Variants in CLUH observed in about 807,000 individuals in gnomAD.
CLUH encodes CLUH binding protein of NUMT mRNA.
A neutral mutation model predicts 139.3 loss-of-function variants in CLUH; 77 were observed. The ratio of observed to expected loss-of-function variants is 0.55; its 90% CI spans 0.46 to 0.67. The LOEUF is 0.67. Among genes scored for constraint, CLUH ranks in the 30% least tolerant of loss-of-function variants. The pLI, the probability that CLUH is intolerant of heterozygous loss-of-function variation, is 0.00. For missense variants in CLUH, 1,876 were observed against 1,875.8 expected (o/e 1.00, Z 0.00); for synonymous variants, 999 against 801.6 (o/e 1.25, Z -4.16).
intron 16 of CLUH, 25 bp downstream of exon 16, chr17:2,694,832 C>A (rs968323511): frequency 6.8e-7 from 1 of 1,467,932 alleles, no homozygotes. Flanking sequence ...TCCCACCCAC[C>A]CCACCGCCCC....
rs982504848 is a variant in CLUH at position 2,691,421 on chromosome 17, G to C, written c.3863+188C>G. On this transcript the variant is annotated intron_variant, in intron 25 of 25. Coordinates refer to ENST00000651024, the MANE Select transcript of CLUH (RefSeq NM_001366661.1). ...TACTACAAACACAAAAATGAGCCGG[G>C]CGAGGTGGCGGACACCTGTAATCCC... 8.4e-6 allele frequency: 5 copies of C among 597,598 alleles called. No individual in the cohort carries two copies. In the African/African-American group the frequency reaches 9.3e-5, roughly 11 times the overall value. The allele number at this position is 597,598 out of a possible 1,614,324, so 37.0% of individuals were successfully genotyped here.
chr17:2,709,745 C>A (rs1306050220), intron 1 of CLUH, among the ~76,000 whole-genome samples: 1 of 152,154 alleles, frequency 6.6e-6, no homozygotes, highest in Non-Finnish European at 1.5e-5. Flanking sequence ...GGTCAGAAGC[C>A]TTGGTTCTGA....
At chr17:2,699,783 C>T (rs986827771) in intron 9 of CLUH, among the ~76,000 whole-genome samples, 2 of 152,158 alleles carry the variant, frequency 1.3e-5, no homozygotes, top group Non-Finnish European at 1.5e-5. Context: ...AGGCATGCGC[C>T]ACCACACCCA....
chr17:2,691,733 C>A, intron 24 of CLUH, 28 bp downstream of exon 24: 4 of 1,600,582 alleles, frequency 2.5e-6, no homozygotes, highest in Non-Finnish European at 3.4e-6. Context: ...CTCGCCGGGC[C>A]GGAGGGGCCG....
chr17:2,691,281 G>C (rs752939040), intron 25 of CLUH, among the ~76,000 whole-genome samples: 4 of 152,202 alleles, frequency 2.6e-5, no homozygotes, highest in African/African-American at 9.6e-5. Flanking sequence ...TAAGCGGGGC[G>C]GGCCGGGCGC....
rs959037279 is a variant in CLUH at position 2,690,659 on chromosome 17, C to A, written c.3982G>T (p.Ala1328Ser). ...GGCTGGGAGCCCAGGTCTCCTGGGG[C>A]CCCCGCTGGCGCGGGCTCGGTAGCC... ...PMATEPAPAG[A>S]PGDLGSQPPA... Residue 1328 changes from alanine to serine, a missense_variant, in exon 26 of 26, where the codon GCC (alanine) becomes TCC (serine). This residue lies in a region of CLUH where 1,454 missense variants were observed against 1,384.4 expected (regional missense o/e 1.05). Coordinates refer to ENST00000651024, the MANE Select transcript of CLUH (RefSeq NM_001366661.1). The A allele has an allele frequency of 1.4e-5, 21 of 1,541,882 alleles. No homozygotes were observed. The highest frequency in any genetic ancestry group is 7.1e-5 in the African/African-American group (5 of 70,082).
rs2070382279 is a variant in CLUH at position 2,707,449 on chromosome 17, G to A, written c.101-2885C>T. On this transcript the variant is annotated intron_variant, in intron 1 of 25. Coordinates refer to ENST00000651024, the MANE Select transcript of CLUH (RefSeq NM_001366661.1). The surrounding 1 kb of genome is among the most constrained non-coding windows in gnomAD (Gnocchi z 7.4). ...AGGTCGGCCAGAAGGACGGCTGTGG[G>A]CCAGGAGAACCCGGTGGCCCCAGGA... 1.4e-5 allele frequency: 14 copies of A among 985,310 alleles called. 1 individual carries two copies. The South Asian group carries it at 6.1e-4, about 43-fold the overall frequency. The allele number at this position is 985,310 out of a possible 1,614,324, so 61.0% of individuals were successfully genotyped here. A position where few individuals can be genotyped will look rare whatever the true frequency, so the allele number is the denominator to read the frequency against.
chr17:2,694,071 G>A (rs372864854), intron 18 of CLUH, 32 bp from the exon 19 acceptor site: 1 of 1,613,914 alleles, frequency 6.2e-7, no homozygotes, highest in Admixed American at 1.7e-5. Flanking sequence ...GGCAAGGTCA[G>A]GACGGGCCAT....
At position 2,691,619 on chromosome 17, in the gene CLUH, T is replaced by G. The variant is rs1597593197; in HGVS notation, c.3853A>C (p.Ile1285Leu). The change falls in exon 25 of 26, where the codon ATT becomes CTT. Residue 1285 changes from isoleucine (I) to leucine (L), a missense_variant. Physicochemically the swap from Ile to Leu is conservative, Grantham distance 5. Coordinates refer to ENST00000651024, the MANE Select transcript of CLUH (RefSeq NM_001366661.1). ...GGGCGGAGGCCTCACCTGAGAGGAA[T>G]GAAGAGGATGCCGTTAATGACGTTC... ...QLNVINGILF[I>L]PLSQKDLENL... The G allele has an allele frequency of 6.2e-7, 1 of 1,612,446 alleles. No individual in the cohort carries two copies. Among genetic ancestry groups the G allele is most frequent in the South Asian group, 1.1e-5 (1 of 90,924 alleles).
At chr17:2,693,766 C>A in intron 19 of CLUH, 134 bp downstream of exon 19, 1 of 1,155,154 alleles carries the variant, frequency 8.7e-7, no homozygotes. Flanking sequence ...AGGGGTGGAG[C>A]CAGGGGTGGC....
Position 2,700,394 on chromosome 17 carries a change from C to T in CLUH, c.1254G>A (p.Arg418=). The T allele has an allele frequency of 6.2e-7, 1 of 1,612,980 alleles. No homozygotes were observed. Among genetic ancestry groups the T allele is most frequent in the Non-Finnish European group, 8.5e-7 (1 of 1,179,706 alleles). The change falls in exon 9 of 26, where the codon AGG becomes AGA. Residue 418 remains arginine (R), a synonymous_variant. Transcript: ENST00000651024. ...KNLPERLLRE[R]AIFKVHSDFT... ...AGGCTGCAGGCACCTTGAATATGGC[C>T]CTTTCTCGGAGCAGCCGCTCAGGCA...
chr17:2,698,095 C>A lies in CLUH; in HGVS notation c.1762G>T (p.Glu588Ter). The A allele has an allele frequency of 6.2e-7, 1 of 1,603,726 alleles. No individual in the cohort carries two copies. The highest frequency in any genetic ancestry group is 8.5e-7 in the Non-Finnish European group (1 of 1,176,856). Residue 588 changes from glutamate to a stop codon, truncating the protein, a stop_gained, in exon 10 of 26, where the codon GAG (glutamate) becomes TAG (stop). Coordinates refer to ENST00000651024, the MANE Select transcript of CLUH (RefSeq NM_001366661.1). LOFTEE classifies it high-confidence loss of function. ...DEEVELCSSV[E>*]CKGIIGNDGR... is the part of the protein sequence containing the mutation. ...TCGTTGCCAATGATGCCCTTGCACT[C>A]GACCGAGGAGCAGAGCTCCACCTCC... is the stretch of plus-strand genomic sequence containing the variant.
chr17:2,696,989 A>G (rs1009534705), intron 10 of CLUH, 47 bp from the exon 11 acceptor site: 7 of 1,428,088 alleles, frequency 4.9e-6, no homozygotes, highest in Non-Finnish European at 5.6e-6. Context: ...CATCGGGGAG[A>G]GGAGCTCTGC....
chr17:2,707,522 C>T lies in CLUH; in HGVS notation c.101-2958G>A. 1.0e-6 allele frequency: 1 copy of T among 985,386 alleles called. No homozygotes were observed. Among genetic ancestry groups the T allele is most frequent in the Non-Finnish European group, 1.2e-6 (1 of 829,902 alleles). The allele number at this position is 985,386 out of a possible 1,614,324, so 61.0% of individuals were successfully genotyped here. On this transcript the variant is annotated intron_variant, in intron 1 of 25. Coordinates refer to ENST00000651024, the MANE Select transcript of CLUH (RefSeq NM_001366661.1). The surrounding 1 kb of genome is among the most constrained non-coding windows in gnomAD (Gnocchi z 7.4). ...CACTCAGGCCCACCTCCCTATGCCC[C>T]CTAGAGAGGGGGTCACTGCCGGCAA...
rs778963053 is a variant in CLUH at position 2,695,047 on chromosome 17, G to A, written c.2662C>T (p.Leu888=). 5.6e-6 allele frequency: 9 copies of A among 1,613,406 alleles called. No homozygotes were observed. The East Asian group carries it at 1.6e-4, about 28-fold the overall frequency. The change falls in exon 16 of 26, where the codon CTG becomes TTG. Residue 888 remains leucine (L), a synonymous_variant. Transcript: ENST00000651024. ...AAISHFLNCF[L]SSYPNPVAHL... ...GCCACGGGGTTTGGGTAGGAGCTCA[G>A]GAAGCAGTTCAGGAAGTGGCTGATG... is the stretch of plus-strand genomic sequence containing the variant.
chr17:2,689,637 C>T lies in CLUH; in HGVS notation c.*957G>A. On this transcript the variant is annotated 3_prime_UTR_variant, in exon 26 of 26. Coordinates refer to ENST00000651024, the MANE Select transcript of CLUH (RefSeq NM_001366661.1). ...CAGGGCTCTGACAGCAGGCACAGAGCAGCAGCACGGGCAGGGTGGAGCGGG... is the reference window on the plus strand; with the variant it reads ...CAGGGCTCTGACAGCAGGCACAGAGTAGCAGCACGGGCAGGGTGGAGCGGG... 1 of 153,402 alleles carries T rather than the reference C, an allele frequency of 6.5e-6. No homozygotes were observed. Among genetic ancestry groups the T allele is most frequent in the Non-Finnish European group, 1.5e-5 (1 of 68,576 alleles). The allele number at this position is 153,402 out of a possible 1,614,324, so 9.5% of individuals were successfully genotyped here. A position where few individuals can be genotyped will look rare whatever the true frequency, so the allele number is the denominator to read the frequency against.
intron 9 of CLUH, among the ~76,000 whole-genome samples, chr17:2,698,802 G>C (rs572574927): frequency 6.9e-4 from 105 of 152,294 alleles, no homozygotes; most frequent in Non-Finnish European, 1.4e-3. Context: ...CCAGCACTTT[G>C]AGGGGCCGAG....
rs569843836 is a variant in CLUH at position 2,704,675 on chromosome 17, C to G, written c.101-111G>C. ...TTCTGGAAAGGCATCTGCATGCCCTCGAGAGTCCCAGCCTCACGGTCGCGC... is the reference window on the plus strand; with the variant it reads ...TTCTGGAAAGGCATCTGCATGCCCTGGAGAGTCCCAGCCTCACGGTCGCGC... On this transcript the variant is annotated intron_variant, in intron 1 of 25. Coordinates refer to ENST00000651024, the MANE Select transcript of CLUH (RefSeq NM_001366661.1). This position sits in a 1 kb window ranked among gnomAD's most constrained non-coding sequence, Gnocchi z 5.7. The G allele has an allele frequency of 9.5e-7, 1 of 1,054,668 alleles. No homozygotes were observed. The highest frequency in any genetic ancestry group is 1.3e-6 in the Non-Finnish European group (1 of 742,466). 65.3% of individuals were successfully genotyped at this position (1,054,668 alleles called of 1,614,324 possible).
At position 2,703,373 on chromosome 17, in the gene CLUH, C is replaced by T. The variant is rs760611454; in HGVS notation, c.420G>A (p.Ser140=). 4.5e-5 allele frequency: 73 copies of T among 1,613,226 alleles called. No individual in the cohort carries two copies. Among genetic ancestry groups the T allele is most frequent in the Middle Eastern group, 3.3e-4 (2 of 6,084 alleles). ...HLDGNVLDHF[S]ELRSVEGLQE... ...GCAGCCCCTCGACGCTGCGCAGCTC[C>T]GAGAAGTGGTCCAGCACGTTGCCAT... Residue 140 remains serine (S), a synonymous_variant, in exon 3 of 26, where the codon TCG becomes TCA. Transcript: ENST00000651024. The surrounding 1 kb of genome is among the most constrained non-coding windows in gnomAD (Gnocchi z 4.2).
Sources: allele counts gnomAD v4.1 joint callset (sites outside exome capture counted in the v4.1 genomes callset), GRCh38; gene constraint gnomAD v4.1.1; regional missense constraint gnomAD v4.1.1; non-coding constraint Gnocchi (gnomAD v3.1); transcripts MANE v1.5; gene names NCBI Gene and HGNC (gene_info 2026-07-23, HGNC 2026-07-21).